Variants in LZTFL1 observed in about 807,000 individuals in gnomAD.
The protein encoded by LZTFL1 is leucine zipper transcription factor-like protein 1.
In LZTFL1, 25 loss-of-function variants were observed where a neutral mutation model predicts 45.9. The observed-to-expected ratio is 0.54, with a 90% CI of 0.40 to 0.76. The LOEUF is 0.76. Ranked by LOEUF, LZTFL1 falls within the 30% of genes least tolerant of loss-of-function variation. The pLI is 0.00. For synonymous variants in LZTFL1, 93 were observed against 117.4 expected (o/e 0.79, Z 1.35); for missense variants, 277 against 331.1 (o/e 0.84, Z 1.27).
chr3:45,896,741 C>T (rs926609457), intron 2 of LZTFL1, among the ~76,000 whole-genome samples: 2 of 152,172 alleles, frequency 1.3e-5, no homozygotes, highest in African/African-American at 4.8e-5. Context: ...AGAGTCCCTG[C>T]TGATAACAAA....
At chr3:45,859,505 A>G (rs1002166902) in intron 2 of LZTFL1, among the ~76,000 whole-genome samples, 3 of 152,186 alleles carry the variant, frequency 2.0e-5, no homozygotes, top group Admixed American at 2.0e-4. Flanking sequence ...GTGATTACAG[A>G]TGTGAGCCAC....
At chr3:45,852,099 A>G (rs868609751) in intron 4 of LZTFL1, among the ~76,000 whole-genome samples, 4 of 152,202 alleles carry the variant, frequency 2.6e-5, no homozygotes, top group Non-Finnish European at 5.9e-5. Flanking sequence ...AAGTTCCCTT[A>G]ATATCCCTAA....
chr3:45,896,774 C>A lies in LZTFL1; in HGVS notation c.-215+16346G>T, dbSNP rs371782125. Among the ~76,000 whole-genome samples, 20 of 152,358 alleles carry A rather than the reference C, an allele frequency of 1.3e-4. No homozygotes were observed. The East Asian group carries it at 3.3e-3, about 25-fold the overall frequency. On this transcript the variant is annotated intron_variant, in intron 2 of 4. Coordinates refer to the LZTFL1 transcript ENST00000472635. The stretch of plus-strand genomic sequence containing the variant: ...AAATTCATTTTTTCCCCACCTCCCT[C>A]CTTCTTGTGCCCTCTCTTATTCCAT...
intron 2 of LZTFL1, chr3:45,902,442 C>T (rs1000298349): frequency 1.2e-5 from 2 of 167,982 alleles, no homozygotes; most frequent in Non-Finnish European, 2.9e-5. Context: ...GACCTAATTT[C>T]CTTCTGTTCT....
chr3:45,840,788 C>A (rs915171337), intron 1 of LZTFL1, among the ~76,000 whole-genome samples: 9 of 152,018 alleles, frequency 5.9e-5, no homozygotes, highest in African/African-American at 1.9e-4. Flanking sequence ...TTAACCATGC[C>A]CACAAATCCA....
chr3:45,864,528 A>G (rs746868159), intron 2 of LZTFL1, among the ~76,000 whole-genome samples: 1 of 152,256 alleles, frequency 6.6e-6, no homozygotes, highest in Non-Finnish European at 1.5e-5. Context: ...TTTGGTTAAT[A>G]TTTAATGACA....
At chr3:45,828,290 TA>T (rs1490498855) in intron 8 of LZTFL1, 148 bp downstream of exon 8, 6 of 651,138 alleles carry the variant, frequency 9.2e-6, no homozygotes, top group Non-Finnish European at 1.6e-5. Flanking sequence ...CGGAAATGAT[TA>T]ATCTTTAGAA....
At chr3:45,880,719 T>C (rs974359963) in intron 2 of LZTFL1, among the ~76,000 whole-genome samples, 2 of 152,078 alleles carry the variant, frequency 1.3e-5, no homozygotes, top group Non-Finnish European at 2.9e-5. Flanking sequence ...AACTGTTCCC[T>C]CTGCTGATAA....
chr3:45,837,850 T>C (rs1701004862), intron 2 of LZTFL1, 77 bp downstream of exon 2: 3 of 1,469,464 alleles, frequency 2.0e-6, no homozygotes, highest in Non-Finnish European at 2.7e-6. Flanking sequence ...GTCTGGCCTC[T>C]GCTATGGCAC....
chr3:45,871,142 C>T (rs1385471181), intron 2 of LZTFL1, among the ~76,000 whole-genome samples: 1 of 152,198 alleles, frequency 6.6e-6, no homozygotes, highest in African/African-American at 2.4e-5. Context: ...TCATCTTCAC[C>T]CACATAAGCA....
At chr3:45,909,178 C>A (rs961599265) in intron 2 of LZTFL1, among the ~76,000 whole-genome samples, 1 of 152,074 alleles carries the variant, frequency 6.6e-6, no homozygotes, top group Non-Finnish European at 1.5e-5. Flanking sequence ...TACATTATGG[C>A]GAGTTGTATA....
intron 4 of LZTFL1, among the ~76,000 whole-genome samples, chr3:45,853,945 T>G (rs1021553195): frequency 3.3e-5 from 5 of 152,202 alleles, no homozygotes; most frequent in Non-Finnish European, 5.9e-5. Flanking sequence ...GCATTTTGGC[T>G]TTCTTCTCCT....
chr3:45,857,541 A>G (rs911251981), intron 3 of LZTFL1, among the ~76,000 whole-genome samples: 1 of 152,224 alleles, frequency 6.6e-6, no homozygotes, highest in Non-Finnish European at 1.5e-5. Context: ...TAAAAACAAA[A>G]GGGATGTTTT....
At chr3:45,883,215 G>A (rs896507605) in intron 2 of LZTFL1, among the ~76,000 whole-genome samples, 5 of 152,150 alleles carry the variant, frequency 3.3e-5, no homozygotes, top group African/African-American at 1.2e-4. Context: ...CTCATTTTCT[G>A]CAAAGTTTTT....
chr3:45,847,793 G>C (rs944001579), intron 4 of LZTFL1, among the ~76,000 whole-genome samples: 1 of 152,222 alleles, frequency 6.6e-6, no homozygotes, highest in African/African-American at 2.4e-5. Flanking sequence ...ATTGGAGTTA[G>C]ATAATCCTTT....
At chr3:45,913,142 C>T (rs1221075499) in exon 2 of LZTFL1, 2 of 1,535,840 alleles carry the variant, frequency 1.3e-6, no homozygotes, top group African/African-American at 1.4e-5. Flanking sequence ...GTCTTGGTTC[C>T]TCATCTGTAA....
At chr3:45,855,102 T>A (rs1311709576) in intron 3 of LZTFL1, 1 of 1,356,158 alleles carries the variant, frequency 7.4e-7, no homozygotes, top group Admixed American at 2.0e-5. Context: ...GAGTTAAAAA[T>A]TATAAGTTGT....
exon 3 of LZTFL1, chr3:45,858,980 T>C (rs1005867012): frequency 6.6e-6 from 1 of 152,198 alleles, no homozygotes; most frequent in Non-Finnish European, 1.5e-5. Flanking sequence ...TCTAGGAAGC[T>C]GTCCAAGAAA....
rs1701285082 is a variant in LZTFL1 at position 45,850,164 on chromosome 3, A to T, written c.-49+4822T>A. The stretch of plus-strand genomic sequence containing the variant: ...AATGTGAGTAATTATAGTTTAATTG[A>T]TTGCATATTTACTGTGTTCCAGTAA... On this transcript the variant is annotated intron_variant, in intron 4 of 4. Coordinates refer to the LZTFL1 transcript ENST00000472635. Among the ~76,000 whole-genome samples, 4 of 152,370 alleles carry T rather than the reference A, an allele frequency of 2.6e-5. No homozygotes were observed. The South Asian group carries it at 8.3e-4, about 32-fold the overall frequency.
Sources: allele counts gnomAD v4.1 joint callset (sites outside exome capture counted in the v4.1 genomes callset), GRCh38; gene constraint gnomAD v4.1.1; transcripts MANE v1.5; gene names NCBI Gene and HGNC (gene_info 2026-07-23, HGNC 2026-07-21).